The following MYLK4 variants were observed in gnomAD, a reference collection of about 807,000 sequenced individuals.
The protein encoded by MYLK4 is myosin light chain kinase family member 4.
Under a neutral mutation model 48.1 loss-of-function variants are expected in MYLK4, and 46 were observed. That is an observed-to-expected ratio of 0.96 (90% CI 0.75 to 1.22). The LOEUF (loss-of-function observed/expected upper bound fraction) is 1.22. MYLK4 is among the 50% of genes most tolerant of loss of function. The pLI, the probability that MYLK4 is intolerant of heterozygous loss-of-function variation, is 0.00. For missense variants in MYLK4, 451 were observed against 486.1 expected, an observed-to-expected ratio of 0.93 and a Z score of 0.68; for synonymous variants, 170 against 180.8, an observed-to-expected ratio of 0.94 and a Z score of 0.48.
chr6:2,680,679 TC>T, intron 7 of MYLK4: 1 of 663,304 alleles, frequency 1.5e-6, no homozygotes, highest in Non-Finnish European at 1.9e-6. Context: ...GAAATATTTT[TC>T]CCAAGATTGA....
intron 10 of MYLK4, among the ~76,000 whole-genome samples, chr6:2,675,523 G>A (rs1024720793): frequency 2.6e-5 from 4 of 152,112 alleles, no homozygotes; most frequent in African/African-American, 9.7e-5. Context: ...AGCAATTTGT[G>A]TATTAAAACT....
intron 2 of MYLK4, among the ~76,000 whole-genome samples, chr6:2,700,384 G>T (rs1762240251): frequency 6.6e-6 from 1 of 152,140 alleles, no homozygotes. Context: ...ACACCCCAGG[G>T]ATTGTAAAGT....
intron 2 of MYLK4, among the ~76,000 whole-genome samples, chr6:2,725,593 A>AAGAAAGAAAGAAAGAAAAAGAAAG (rs1561868230): frequency 6.2e-4 from 89 of 143,580 alleles, no homozygotes; most frequent in African/African-American, 2.1e-3. Flanking sequence ...AAGAGAAAGA[A>AAGAAAGAAAGAAAGAAAAAGAAAG]AGAAAGAAAG....
At chr6:2,744,780 C>A (rs982951367) in intron 2 of MYLK4, among the ~76,000 whole-genome samples, 8 of 152,138 alleles carry the variant, frequency 5.3e-5, no homozygotes, top group Non-Finnish European at 8.8e-5. Flanking sequence ...CTTTGGGATA[C>A]CCCCTGGTTG....
intron 2 of MYLK4, among the ~76,000 whole-genome samples, chr6:2,718,234 C>G (rs145746167): frequency 8.6e-5 from 13 of 151,760 alleles, no homozygotes; most frequent in African/African-American, 2.9e-4. Context: ...TCCTAGACAT[C>G]TAGTGCTGCG....
intron 10 of MYLK4, among the ~76,000 whole-genome samples, 197 bp from the exon 11 acceptor site, chr6:2,675,322 A>G (rs1761044287): frequency 6.6e-6 from 1 of 152,238 alleles, no homozygotes. Context: ...GGATAACATT[A>G]GTAAAGACAA....
chr6:2,685,150 G>C lies in MYLK4; in HGVS notation c.545+146C>G. On this transcript the variant is annotated intron_variant, in intron 6 of 12. Coordinates refer to ENST00000274643, the MANE Select transcript of MYLK4 (RefSeq NM_001012418.5). The surrounding 1 kb of genome is among the most constrained non-coding windows in gnomAD (Gnocchi z 4.5). ...CCCCAAGTGTTTCCCTTCTAGAACTGATGTGATTGTGTGATCCGCGCGAAT... is the reference window on the plus strand; with the variant it reads ...CCCCAAGTGTTTCCCTTCTAGAACTCATGTGATTGTGTGATCCGCGCGAAT... 1 of 634,648 alleles carries C rather than the reference G, an allele frequency of 1.6e-6. No individual in the cohort carries two copies. 39.3% of individuals were successfully genotyped at this position (634,648 alleles called of 1,614,324 possible). A position where few individuals can be genotyped will look rare whatever the true frequency, so the allele number is the denominator to read the frequency against.
intron 2 of MYLK4, among the ~76,000 whole-genome samples, chr6:2,737,634 G>A (rs2113346418): frequency 6.6e-6 from 1 of 152,214 alleles, no homozygotes; most frequent in South Asian, 2.1e-4. Context: ...GGAGGGAGGG[G>A]GAGTCCATAG....
chr6:2,736,024 T>A (rs1279735172), intron 2 of MYLK4, among the ~76,000 whole-genome samples: 1 of 152,144 alleles, frequency 6.6e-6, no homozygotes, highest in Non-Finnish European at 1.5e-5. Flanking sequence ...GGATTTGAAT[T>A]TGGGCCTGTT....
At chr6:2,735,995 C>T (rs775185712) in intron 2 of MYLK4, among the ~76,000 whole-genome samples, 27 of 152,242 alleles carry the variant, frequency 1.8e-4, no homozygotes, top group African/African-American at 5.5e-4. Context: ...GTCACACAGC[C>T]GGTAGGTGGT....
the MYLK4 span, among the ~76,000 whole-genome samples, chr6:2,767,761 C>A: frequency 6.6e-6 from 1 of 152,204 alleles, no homozygotes; most frequent in African/African-American, 2.4e-5. Flanking sequence ...GTGAGCTCAT[C>A]CCACCTACCA....
At chr6:2,751,159 A>C (rs1764277996), upstream of MYLK4, among the ~76,000 whole-genome samples, 2 of 152,126 alleles carry the variant, frequency 1.3e-5, no homozygotes, top group African/African-American at 4.8e-5. Context: ...ACAAAGCTAG[A>C]TTTGTCCTCG....
At chr6:2,753,900 C>T (rs781442526), upstream of MYLK4, among the ~76,000 whole-genome samples, 7 of 151,778 alleles carry the variant, frequency 4.6e-5, no homozygotes, top group African/African-American at 1.5e-4. Flanking sequence ...GTGGCTCACA[C>T]CTGTAATCCT....
At chr6:2,763,746 A>G in the MYLK4 span, among the ~76,000 whole-genome samples, 1 of 152,210 alleles carries the variant, frequency 6.6e-6, no homozygotes, top group East Asian at 1.9e-4. Context: ...GGGTTTCGCA[A>G]CCACGGCCGG....
chr6:2,714,622 G>A (rs564517404), intron 2 of MYLK4, among the ~76,000 whole-genome samples: 83 of 152,318 alleles, frequency 5.4e-4, no homozygotes, highest in South Asian at 1.2e-3. Context: ...AGATCCATGA[G>A]AACTGAAAGC....
Position 2,683,075 on chromosome 6 carries a change from T to TTC in MYLK4, c.632_633insGA (p.Ile211MetfsTer6), listed in dbSNP as rs767827109. 1.2e-6 allele frequency: 2 copies of TTC among 1,614,040 alleles called. No individual in the cohort carries two copies. The highest frequency in any genetic ancestry group is 2.7e-5 in the African/African-American group (2 of 74,904). The stretch of plus-strand genomic sequence containing the variant: ...GATGCATGTGCCTTATCCCCTCACA[T>TTC]ATCTGCTTCATGAACAGGATGGTAT... On this transcript the variant is annotated frameshift_variant, in exon 7 of 13. Transcript: ENST00000274643. LOFTEE classifies it high-confidence loss of function.
At chr6:2,764,027 G>A in the MYLK4 span, among the ~76,000 whole-genome samples, 2 of 152,146 alleles carry the variant, frequency 1.3e-5, no homozygotes, top group African/African-American at 4.8e-5. Flanking sequence ...AGCTACTCGA[G>A]AGGCTGAGAC....
rs1760582647 is a variant in MYLK4, at chr6:2,664,802, C to A, written c.*3123G>T. The stretch of plus-strand genomic sequence containing the variant: ...CAGACATGAGTGTTACCAGCTTCAA[C>A]CTAGAAATTGTTTCCCCAAGTTAGT... On this transcript the variant is annotated 3_prime_UTR_variant, in exon 13 of 13. Coordinates refer to ENST00000274643, the MANE Select transcript of MYLK4 (RefSeq NM_001012418.5). 6.6e-6 allele frequency: 1 copy of A among 152,146 alleles called. No homozygotes were observed. The highest frequency in any genetic ancestry group is 1.5e-5 in the Non-Finnish European group (1 of 68,022). The allele number at this position is 152,146 out of a possible 1,614,324, so 9.4% of individuals were successfully genotyped here.
At chr6:2,732,562 C>T (rs1561873712) in intron 2 of MYLK4, among the ~76,000 whole-genome samples, 1 of 152,108 alleles carries the variant, frequency 6.6e-6, no homozygotes, top group African/African-American at 2.4e-5. Flanking sequence ...GCCACAGAGT[C>T]AGCCTGAGTG....
Sources: allele counts gnomAD v4.1 joint callset (sites outside exome capture counted in the v4.1 genomes callset), GRCh38; gene constraint gnomAD v4.1.1; non-coding constraint Gnocchi (gnomAD v3.1); transcripts MANE v1.5; gene names NCBI Gene and HGNC (gene_info 2026-07-23, HGNC 2026-07-21).